The following GPHN variants were observed in gnomAD, a reference collection of about 807,000 sequenced individuals.
The protein encoded by GPHN is gephyrin.
Under a neutral mutation model 95.5 loss-of-function variants are expected in GPHN, and 17 were observed. The ratio of observed to expected loss-of-function variants is 0.18; its 90% confidence interval spans 0.12 to 0.27. The LOEUF (loss-of-function observed/expected upper bound fraction) is 0.27, where lower values mean the gene tolerates loss of function less well. GPHN is among the 10% of genes least tolerant of loss of function. GPHN has a pLI of 1.00. For synonymous variants in GPHN, 320 were observed against 322.5 expected, an observed-to-expected ratio of 0.99 and a Z score of 0.08; for missense variants, 660 against 978.1, an observed-to-expected ratio of 0.67 and a Z score of 4.34.
the GPHN span, among the ~76,000 whole-genome samples, chr14:67,272,399 C>T: frequency 0.079 from 12,089 of 152,122 alleles, 1,138 homozygotes; most frequent in African/African-American, 0.23. Flanking sequence ...TTTTCATCTA[C>T]GAAATGGGCA....
chr14:67,250,885 T>C, the GPHN span, among the ~76,000 whole-genome samples: 1 of 152,252 alleles, frequency 6.6e-6, no homozygotes, highest in Non-Finnish European at 1.5e-5. Context: ...CAATACTTTC[T>C]GCTTTCCCCT....
chr14:67,081,319 G>GGTATC (rs1357301144), intron 11 of GPHN, among the ~76,000 whole-genome samples: 3 of 152,098 alleles, frequency 2.0e-5, no homozygotes, highest in African/African-American at 7.2e-5. Flanking sequence ...AGAGTAAGGT[G>GGTATC]GTATCACATT....
the GPHN span, among the ~76,000 whole-genome samples, chr14:67,370,373 C>T: frequency 0.03 from 4,618 of 152,206 alleles, 88 homozygotes; most frequent in Non-Finnish European, 0.036. Context: ...ATAAGATAAT[C>T]GGTGAAAATA....
chr14:67,192,164 A>C, the GPHN span, among the ~76,000 whole-genome samples: 2 of 152,224 alleles, frequency 1.3e-5, no homozygotes, highest in African/African-American at 4.8e-5. Context: ...AATTAGATGA[A>C]TAGGACATTG....
intron 3 of GPHN, among the ~76,000 whole-genome samples, chr14:66,790,467 G>C (rs1178263497): frequency 6.6e-6 from 1 of 152,196 alleles, no homozygotes; most frequent in Non-Finnish European, 1.5e-5. Flanking sequence ...AGTAAATTTT[G>C]AGTTTGAAAT....
chr14:67,689,861 T>C, the GPHN span, among the ~76,000 whole-genome samples: 9 of 152,134 alleles, frequency 5.9e-5, no homozygotes, highest in Non-Finnish European at 1.3e-4. Context: ...GGAGAATCAC[T>C]TGAACCTGGG....
At chr14:66,621,288 C>G (rs117619351) in intron 1 of GPHN, among the ~76,000 whole-genome samples, 1 of 129,444 alleles carries the variant, frequency 7.7e-6, no homozygotes, top group Admixed American at 7.8e-5. Context: ...TTTTTTTTTT[C>G]GTATTTGTAG....
At chr14:67,695,538 G>C in the GPHN span, 796 of 1,293,196 alleles carry the variant, frequency 6.2e-4, 7 homozygotes, top group Admixed American at 1.2e-3. Context: ...CCCCCCAGGG[G>C]AGTTTTCCAA....
the GPHN span, among the ~76,000 whole-genome samples, chr14:67,633,357 A>G: frequency 2.6e-5 from 4 of 152,030 alleles, no homozygotes; most frequent in Admixed American, 1.3e-4. Context: ...GTGGTGTCCT[A>G]TGACATATTC....
the GPHN span, chr14:67,353,057 A>G: frequency 6.4e-7 from 1 of 1,571,348 alleles, no homozygotes; most frequent in East Asian, 2.2e-5. Flanking sequence ...AAACATAAAC[A>G]AAGTTAAGAC....
At chr14:67,249,533 C>T in the GPHN span, among the ~76,000 whole-genome samples, 3 of 152,146 alleles carry the variant, frequency 2.0e-5, no homozygotes, top group Admixed American at 6.5e-5. Context: ...TGCTTTGTCA[C>T]AAACCAACAG....
At chr14:67,620,791 T>C in the GPHN span, 1 of 1,083,630 alleles carries the variant, frequency 9.2e-7, no homozygotes, top group South Asian at 1.3e-5. Flanking sequence ...GGGCTGATGC[T>C]GTCACAGGTT....
At chr14:67,536,154 G>A in the GPHN span, among the ~76,000 whole-genome samples, 8 of 148,966 alleles carry the variant, frequency 5.4e-5, no homozygotes, top group African/African-American at 1.0e-4. Context: ...AGGTTCCTGC[G>A]GCCTAGGACA....
chr14:66,759,215 T>A (rs546636430), intron 2 of GPHN, among the ~76,000 whole-genome samples: 102 of 152,308 alleles, frequency 6.7e-4, no homozygotes, highest in African/African-American at 2.3e-3. Flanking sequence ...TTTGGGTAAA[T>A]TCCACTCTTG....
At chr14:67,421,798 G>A in the GPHN span, among the ~76,000 whole-genome samples, 6 of 152,176 alleles carry the variant, frequency 3.9e-5, no homozygotes, top group Non-Finnish European at 5.9e-5. Context: ...GCGGGTTCTC[G>A]GTCTGCTTTC....
At chr14:67,534,006 C>T in the GPHN span, among the ~76,000 whole-genome samples, 1 of 152,024 alleles carries the variant, frequency 6.6e-6, no homozygotes, top group Non-Finnish European at 1.5e-5. Context: ...GGGATTTCTG[C>T]TTGCCAGGAT....
chr14:67,528,289 C>A, the GPHN span, among the ~76,000 whole-genome samples: 2 of 152,188 alleles, frequency 1.3e-5, no homozygotes, highest in Non-Finnish European at 2.9e-5. Context: ...AGCATGAAAA[C>A]CCATTGTCTA....
At chr14:67,198,242 A>T in the GPHN span, 1 of 1,613,926 alleles carries the variant, frequency 6.2e-7, no homozygotes. Flanking sequence ...ATGATCCGAG[A>T]GATCTTCAAA....
the GPHN span, among the ~76,000 whole-genome samples, chr14:67,704,049 C>G: frequency 9.2e-5 from 14 of 152,120 alleles, no homozygotes; most frequent in Non-Finnish European, 2.1e-4. Context: ...CTGTTGGATT[C>G]GTATTTTTAT....
Sources: gnomAD v4.1 joint callset for allele counts (sites outside exome capture counted in the v4.1 genomes callset) on GRCh38, gnomAD v4.1.1 for gene constraint, MANE v1.5 for transcripts, NCBI Gene and HGNC (gene_info 2026-07-23, HGNC 2026-07-21) for gene names.